GALNT13: variants seen among roughly 807,000 people sequenced by gnomAD.
The protein encoded by GALNT13 is UDP-GalNAc:polypeptide N-acetylgalactosaminyltransferase 13.
A neutral mutation model predicts 64.2 loss-of-function variants in GALNT13; 28 were observed. The ratio of observed to expected loss-of-function variants is 0.44; its 90% CI spans 0.32 to 0.60. The LOEUF is 0.60. Ranked by LOEUF, GALNT13 falls within the 20% of genes least tolerant of loss-of-function variation. GALNT13 has a pLI of 0.05. For synonymous variants in GALNT13, 214 were observed against 224.6 expected (o/e 0.95, Z 0.42); for missense variants, 577 against 669.8 (o/e 0.86, Z 1.53).
the GALNT13 span, among the ~76,000 whole-genome samples, chr2:153,765,546 T>C: frequency 3.3e-5 from 5 of 152,214 alleles, no homozygotes; most frequent in African/African-American, 9.6e-5. Flanking sequence ...TACAGGCTCA[T>C]AGGCAGAAGG....
the GALNT13 span, among the ~76,000 whole-genome samples, chr2:153,592,601 C>A: frequency 6.6e-6 from 1 of 152,082 alleles, no homozygotes; most frequent in Non-Finnish European, 1.5e-5. Context: ...CACAGAAAGA[C>A]AAATATCCTA....
At chr2:153,541,413 TA>T in the GALNT13 span, among the ~76,000 whole-genome samples, 1 of 152,176 alleles carries the variant, frequency 6.6e-6, no homozygotes. Flanking sequence ...GAGAATGGAC[TA>T]ATCGACTGAC....
At chr2:153,662,852 G>C in the GALNT13 span, among the ~76,000 whole-genome samples, 1 of 152,148 alleles carries the variant, frequency 6.6e-6, no homozygotes, top group African/African-American at 2.4e-5. Flanking sequence ...ATGTCTTTAA[G>C]ATTGCTCTCA....
chr2:153,094,614 A>T, the GALNT13 span, among the ~76,000 whole-genome samples: 1 of 152,244 alleles, frequency 6.6e-6, no homozygotes, highest in African/African-American at 2.4e-5. Flanking sequence ...AGCTGGAGGC[A>T]TCATGCTACC....
At chr2:153,734,423 A>G in the GALNT13 span, among the ~76,000 whole-genome samples, 1 of 152,144 alleles carries the variant, frequency 6.6e-6, no homozygotes, top group Non-Finnish European at 1.5e-5. Context: ...TCTAATCTGA[A>G]TTTAGTGTAG....
the GALNT13 span, among the ~76,000 whole-genome samples, chr2:153,704,947 A>T: frequency 1.3e-5 from 2 of 152,330 alleles, no homozygotes; most frequent in South Asian, 4.1e-4. Context: ...TTAACAGTTA[A>T]GCTAGAAATG....
chr2:153,864,714 C>T, the GALNT13 span, among the ~76,000 whole-genome samples: 20 of 151,292 alleles, frequency 1.3e-4, no homozygotes, highest in East Asian at 1.4e-3. Flanking sequence ...GAATCAATAT[C>T]GTGAAAATGG....
intron 4 of GALNT13, among the ~76,000 whole-genome samples, chr2:154,235,592 CTTTAT>C (rs1323722225): frequency 6.6e-6 from 1 of 152,078 alleles, no homozygotes; most frequent in Non-Finnish European, 1.5e-5. Flanking sequence ...CATTGCAAGT[CTTTAT>C]TTTAATTAGT....
At chr2:153,421,374 C>T in the GALNT13 span, 1 of 226,214 alleles carries the variant, frequency 4.4e-6, no homozygotes, top group South Asian at 8.8e-5. Flanking sequence ...CATAGATGGC[C>T]TCATTGTCTA....
At chr2:153,147,943 C>G in the GALNT13 span, among the ~76,000 whole-genome samples, 2 of 151,790 alleles carry the variant, frequency 1.3e-5, no homozygotes, top group Admixed American at 6.6e-5. Flanking sequence ...ATTGTAGAAC[C>G]TAGACATGCT....
At chr2:153,267,585 A>C in the GALNT13 span, among the ~76,000 whole-genome samples, 1 of 152,174 alleles carries the variant, frequency 6.6e-6, no homozygotes, top group African/African-American at 2.4e-5. Context: ...AACCCAAGGC[A>C]CCAAGTCCTG....
the GALNT13 span, among the ~76,000 whole-genome samples, chr2:153,605,686 C>G: frequency 6.6e-6 from 1 of 152,070 alleles, no homozygotes; most frequent in South Asian, 2.1e-4. Flanking sequence ...CTTGGTCTTG[C>G]TTCTACTGCT....
rs868439019 is a variant in GALNT13 at position 154,326,273 on chromosome 2, C to T, written c.1156+24684C>T. On this transcript the variant is annotated intron_variant, in intron 9 of 12. Transcript: ENST00000392825. ...TTTTCCAACATTGAATCCTTTAATT[C>T]TAAAATCACTGAGCTTCAAAATATG... is the stretch of plus-strand genomic sequence containing the variant. Among the ~76,000 whole-genome samples the T allele has an allele frequency of 2.7e-5, 4 of 148,700 alleles. No homozygotes were observed. The South Asian group carries it at 6.3e-4, about 24-fold the overall frequency.
chr2:153,231,953 A>C, the GALNT13 span, among the ~76,000 whole-genome samples: 4 of 152,092 alleles, frequency 2.6e-5, no homozygotes, highest in African/African-American at 9.7e-5. Flanking sequence ...TCCCGATTGC[A>C]TATGCCTTCT....
chr2:154,393,923 A>C (rs2105357629), intron 9 of GALNT13, among the ~76,000 whole-genome samples: 1 of 150,196 alleles, frequency 6.7e-6, no homozygotes, highest in Non-Finnish European at 1.5e-5. Context: ...CTAAAAATAC[A>C]AAAAATTAGC....
At chr2:154,412,750 A>G (rs957695887) in intron 11 of GALNT13, among the ~76,000 whole-genome samples, 5 of 151,814 alleles carry the variant, frequency 3.3e-5, no homozygotes, top group African/African-American at 1.2e-4. Context: ...TAGCAGGAAT[A>G]CTGCAAAAGC....
At chr2:154,357,033 G>C (rs1256363762) in intron 9 of GALNT13, among the ~76,000 whole-genome samples, 2 of 151,918 alleles carry the variant, frequency 1.3e-5, no homozygotes, top group Non-Finnish European at 2.9e-5. Flanking sequence ...TGGGAACTTA[G>C]TGTATAAAAA....
In GALNT13 at chr2:154,233,824, G is replaced by A. The variant is rs187142605; in HGVS notation, c.312-8206G>A. The stretch of plus-strand genomic sequence containing the variant: ...CGGTCCCAGTTGTGCTTAGTAGGAG[G>A]GGGTGCAAGATGGCAGATAGCTCAT... On this transcript the variant is annotated intron_variant, in intron 4 of 12. Coordinates refer to ENST00000392825, the MANE Select transcript of GALNT13 (RefSeq NM_052917.4). 3.4e-3 allele frequency among the ~76,000 whole-genome samples: 510 copies of A among 152,156 alleles called. 2 individuals carry two copies. The highest frequency in any genetic ancestry group is 0.02 in the Middle Eastern group (6 of 294).
the GALNT13 span, among the ~76,000 whole-genome samples, chr2:153,799,064 C>T: frequency 6.6e-6 from 1 of 152,110 alleles, no homozygotes; most frequent in Non-Finnish European, 1.5e-5. Flanking sequence ...TGCAAGCTCA[C>T]TGGCTGCCTC....
Sources: gnomAD v4.1 joint callset for allele counts (sites outside exome capture counted in the v4.1 genomes callset) on GRCh38, gnomAD v4.1.1 for gene constraint, MANE v1.5 for transcripts, NCBI Gene and HGNC (gene_info 2026-07-23, HGNC 2026-07-21) for gene names.